FYB2: variants seen among roughly 807,000 people sequenced by gnomAD.
The protein encoded by FYB2 is FYN-binding protein 2.
A neutral mutation model predicts 94.1 loss-of-function variants in FYB2; 103 were observed. The observed-to-expected ratio is 1.09, with a 90% CI of 0.93 to 1.29. The LOEUF (loss-of-function observed/expected upper bound fraction) is 1.29. Ranked by LOEUF, FYB2 falls within the 50% of genes most tolerant of loss-of-function variation. FYB2 has a pLI of 0.00. For synonymous variants in FYB2, 293 were observed against 287.9 expected (o/e 1.02, Z -0.18); for missense variants, 896 against 841.5 (o/e 1.06, Z -0.80).
chr1:56,744,561 T>C (rs1215054387), intron 9 of FYB2, among the ~76,000 whole-genome samples: 1 of 151,974 alleles, frequency 6.6e-6, no homozygotes, highest in South Asian at 2.1e-4. Flanking sequence ...GTAACTCCCT[T>C]CTTTGATGGT....
chr1:56,801,844 T>C (rs1205229565), intron 1 of FYB2, among the ~76,000 whole-genome samples: 1 of 152,198 alleles, frequency 6.6e-6, no homozygotes, highest in Admixed American at 6.5e-5. Context: ...CCACAGTTAC[T>C]TGGGTATGTG....
chr1:56,735,609 A>T (rs1381669832), intron 15 of FYB2, among the ~76,000 whole-genome samples: 1 of 151,916 alleles, frequency 6.6e-6, no homozygotes, highest in African/African-American at 2.4e-5. Context: ...CGAGGGAGGG[A>T]GGTGACTGGA....
rs966470808 is a variant in FYB2, at chr1:56,718,880, A to G, written c.*791T>C. ...AAAACAGAATAGATGTCAGCTTTTA[A>G]ATTTTTATTTAATTCCATATAAATG... is the stretch of plus-strand genomic sequence containing the variant. On this transcript the variant is annotated 3_prime_UTR_variant, in exon 20 of 20. Coordinates refer to ENST00000343433, the MANE Select transcript of FYB2 (RefSeq NM_001004303.5). 1.2e-4 allele frequency: 19 copies of G among 152,624 alleles called. No homozygotes were observed. The highest frequency in any genetic ancestry group is 4.6e-4 in the African/African-American group (19 of 41,458). The allele number at this position is 152,624 out of a possible 1,614,324, so 9.5% of individuals were successfully genotyped here. A position where few individuals can be genotyped will look rare whatever the true frequency, so the allele number is the denominator to read the frequency against.
intron 5 of FYB2, among the ~76,000 whole-genome samples, chr1:56,765,402 AG>A (rs1645597857): frequency 6.6e-6 from 1 of 152,176 alleles, no homozygotes; most frequent in Non-Finnish European, 1.5e-5. Flanking sequence ...ACCACCTGGC[AG>A]GGGTGGAAAT....
intron 1 of FYB2, among the ~76,000 whole-genome samples, chr1:56,794,492 G>A (rs1443117064): frequency 6.6e-6 from 1 of 152,116 alleles, no homozygotes; most frequent in South Asian, 2.1e-4. Context: ...TTTTGATTTT[G>A]CCAGCTTAGG....
At chr1:56,747,231 A>G (rs114294070) in intron 9 of FYB2, among the ~76,000 whole-genome samples, 3,347 of 151,878 alleles carry the variant, frequency 0.022, 125 homozygotes, top group African/African-American at 0.077. Flanking sequence ...CGACCCAGTG[A>G]CTTACCTTCT....
chr1:56,755,939 G>C lies in FYB2; in HGVS notation c.1099-12C>G. On this transcript the variant is annotated splice_polypyrimidine_tract_variant and intron_variant, in intron 6 of 19. Coordinates refer to ENST00000343433, the MANE Select transcript of FYB2 (RefSeq NM_001004303.5). ...AAATTCTTCCCAGGCTGAAAGTAAAGTGGAAAATGGTTATTTTCATAAATC... is the reference window on the plus strand; with the variant it reads ...AAATTCTTCCCAGGCTGAAAGTAAACTGGAAAATGGTTATTTTCATAAATC... The C allele has an allele frequency of 6.2e-7, 1 of 1,607,350 alleles. No individual in the cohort carries two copies. The highest frequency in any genetic ancestry group is 1.7e-4 in the Middle Eastern group (1 of 6,038).
chr1:56,763,951 C>CT (rs1438503537), intron 5 of FYB2, among the ~76,000 whole-genome samples: 1 of 148,890 alleles, frequency 6.7e-6, no homozygotes, highest in Non-Finnish European at 1.5e-5. Flanking sequence ...CATATTATGT[C>CT]TATTTTTTTT....
In FYB2 at chr1:56,739,648, C is replaced by T. The variant is rs372417732; in HGVS notation, c.1704-995G>A. Among the ~76,000 whole-genome samples, 267 of 152,214 alleles carry T rather than the reference C, an allele frequency of 1.8e-3. 10 individuals carry two copies. The South Asian group carries it at 0.046, about 26-fold the overall frequency. ...TTTGACTCCCAATTTTTCTGCTTTA[C>T]AGTGGTGTGAAAGCAATACGCATTC... On this transcript the variant is annotated intron_variant, in intron 13 of 19. Coordinates refer to ENST00000343433, the MANE Select transcript of FYB2 (RefSeq NM_001004303.5).
intron 5 of FYB2, among the ~76,000 whole-genome samples, chr1:56,763,802 T>C (rs1645557907): frequency 6.6e-6 from 1 of 152,146 alleles, no homozygotes; most frequent in African/African-American, 2.4e-5. Context: ...TTTCATTTCA[T>C]TTATTTCTAA....
rs143925056 is a variant in FYB2, at chr1:56,789,917, G to A, written c.758-783C>T. ...TAAGAATTGATCTGGGATTTCCAGG[G>A]CTCATAGCCTAGGACTGGCTTCAAG... On this transcript the variant is annotated intron_variant, in intron 2 of 19. Coordinates refer to ENST00000343433, the MANE Select transcript of FYB2 (RefSeq NM_001004303.5). 4.9e-4 allele frequency among the ~76,000 whole-genome samples: 74 copies of A among 152,256 alleles called. 1 individual carries two copies. In the East Asian group the frequency reaches 0.012, roughly 25 times the overall value.
intron 4 of FYB2, among the ~76,000 whole-genome samples, chr1:56,784,946 T>C (rs1646099197): frequency 6.6e-6 from 1 of 152,218 alleles, no homozygotes; most frequent in Non-Finnish European, 1.5e-5. Context: ...TCATCTCCCA[T>C]GAAGGTGCCC....
intron 5 of FYB2, among the ~76,000 whole-genome samples, chr1:56,765,715 G>C (rs543464393): frequency 6.6e-6 from 1 of 152,096 alleles, no homozygotes; most frequent in African/African-American, 2.4e-5. Context: ...TGACATATTC[G>C]AGGCAAGAAG....
chr1:56,791,438 T>C (rs1386277139), intron 2 of FYB2, among the ~76,000 whole-genome samples: 1 of 152,100 alleles, frequency 6.6e-6, no homozygotes, highest in African/African-American at 2.4e-5. Context: ...GTATTTTTAA[T>C]AGAGATGGGG....
intron 7 of FYB2, among the ~76,000 whole-genome samples, chr1:56,754,247 T>C (rs189667847): frequency 1.3e-5 from 2 of 152,164 alleles, no homozygotes; most frequent in Admixed American, 1.3e-4. Context: ...CTGCTGCTTT[T>C]TACCTCCACT....
intron 5 of FYB2, among the ~76,000 whole-genome samples, chr1:56,759,860 A>G (rs528464506): frequency 6.6e-6 from 1 of 152,256 alleles, no homozygotes; most frequent in African/African-American, 2.4e-5. Flanking sequence ...AGGCAGGTGG[A>G]TCACAAGGTC....
At chr1:56,720,442 CTAGT>C in intron 17 of FYB2, 113 bp from the exon 18 acceptor site, 1 of 954,774 alleles carries the variant, frequency 1.0e-6, no homozygotes, top group Non-Finnish European at 1.5e-6. Flanking sequence ...ATACTATTGA[CTAGT>C]TAAATAACAC....
chr1:56,819,007 G>T (rs989104982), intron 1 of FYB2, among the ~76,000 whole-genome samples: 1 of 152,178 alleles, frequency 6.6e-6, no homozygotes, highest in Admixed American at 6.5e-5. Flanking sequence ...AGTCCAGCTG[G>T]CTGGGTAGAG....
intron 1 of FYB2, among the ~76,000 whole-genome samples, chr1:56,808,286 CTAG>C (rs1646690693): frequency 6.6e-6 from 1 of 152,128 alleles, no homozygotes; most frequent in Admixed American, 6.5e-5. Flanking sequence ...CCTTGATCCC[CTAG>C]CTCTTTCTAG....
Sources: gnomAD v4.1 joint callset for allele counts (sites outside exome capture counted in the v4.1 genomes callset) on GRCh38, gnomAD v4.1.1 for gene constraint, MANE v1.5 for transcripts, NCBI Gene and HGNC (gene_info 2026-07-23, HGNC 2026-07-21) for gene names.